Variants in TMEM229B observed in about 807,000 individuals in gnomAD.
TMEM229B encodes chromosome 14 open reading frame 83.
TMEM229B carries 6 observed loss-of-function variants against 13.7 expected under a neutral mutation model. The ratio of observed to expected loss-of-function variants is 0.44; its 90% CI spans 0.24 to 0.86. The LOEUF (loss-of-function observed/expected upper bound fraction) is 0.86, where lower values mean the gene tolerates loss of function less well. Among genes scored for constraint, TMEM229B ranks in the 40% least tolerant of loss-of-function variants. TMEM229B has a pLI of 0.23. For synonymous variants in TMEM229B, 107 were observed against 102.1 expected (o/e 1.05, Z -0.29); for missense variants, 170 against 236.0 (o/e 0.72, Z 1.83).
intron 2 of TMEM229B, among the ~76,000 whole-genome samples, chr14:67,481,111 C>T (rs1233027530): frequency 6.6e-6 from 1 of 151,846 alleles, no homozygotes. Flanking sequence ...GGCAACATAG[C>T]GAGACCACCA....
Position 67,474,058 on chromosome 14 carries a change from C to T in TMEM229B, c.-18-117G>A, listed in dbSNP as rs868226517. 28 of 1,178,040 alleles carry T rather than the reference C, an allele frequency of 2.4e-5. No homozygotes were observed. In the African/African-American group the frequency reaches 3.7e-4, roughly 16 times the overall value. The allele number at this position is 1,178,040 out of a possible 1,614,324, so 73.0% of individuals were successfully genotyped here. A position where few individuals can be genotyped will look rare whatever the true frequency, so the allele number is the denominator to read the frequency against. On this transcript the variant is annotated intron_variant, in intron 2 of 2. Transcript: ENST00000554480. ...CTTGAGGTCAGGAGTTCCAAACCAGCCTGGCCATCATGGTGAAACCCCGTC... is the reference window on the plus strand; with the variant it reads ...CTTGAGGTCAGGAGTTCCAAACCAGTCTGGCCATCATGGTGAAACCCCGTC...
At chr14:67,505,093 G>T (rs2032769777) in intron 1 of TMEM229B, among the ~76,000 whole-genome samples, 1 of 152,074 alleles carries the variant, frequency 6.6e-6, no homozygotes, top group African/African-American at 2.4e-5. Context: ...GAACACCAAG[G>T]TGCACCAAGA....
chr14:67,528,635 T>C (rs916346727), intron 1 of TMEM229B, among the ~76,000 whole-genome samples: 2 of 152,152 alleles, frequency 1.3e-5, no homozygotes, highest in African/African-American at 4.8e-5. Context: ...AGCTCCCAAC[T>C]CAGGTGCTCT....
chr14:67,513,425 T>G (rs2033093074), intron 1 of TMEM229B, among the ~76,000 whole-genome samples: 1 of 152,196 alleles, frequency 6.6e-6, no homozygotes, highest in Non-Finnish European at 1.5e-5. Context: ...GGACTCAGTT[T>G]TCTCCTGCTA....
intron 1 of TMEM229B, among the ~76,000 whole-genome samples, chr14:67,520,941 T>A (rs2033282775): frequency 6.6e-6 from 1 of 152,256 alleles, no homozygotes; most frequent in South Asian, 2.1e-4. Context: ...AAGCAATGAA[T>A]GGGAGTTCCT....
At chr14:67,495,527 G>C (rs780608431) in intron 1 of TMEM229B, among the ~76,000 whole-genome samples, 20 of 151,646 alleles carry the variant, frequency 1.3e-4, no homozygotes, top group Non-Finnish European at 2.4e-4. Context: ...TTGTTGCCCA[G>C]GCTGGAGTGC....
Position 67,508,760 on chromosome 14 carries a change from A to AAAAAAAAAAAAAAAAAAC in TMEM229B, c.-192+6325_-192+6326insGTTTTTTTTTTTTTTTTT, listed in dbSNP as rs778889276. Among the ~76,000 whole-genome samples the AAAAAAAAAAAAAAAAAAC allele has an allele frequency of 1.3e-4, 20 of 149,652 alleles. No homozygotes were observed. The East Asian group carries it at 3.7e-3, about 28-fold the overall frequency. On this transcript the variant is annotated intron_variant, in intron 1 of 2. Transcript: ENST00000357461. ...CAGAGCAAAACCTTGTCTCAAAAAAAAAAAAAAAAAACAGAAGACAATTAA... is the reference window on the plus strand; with the variant it reads ...CAGAGCAAAACCTTGTCTCAAAAAAAAAAAAAAAAAAAAAAAACAAAAAAAAAAACAGAAGACAATTAA...
chr14:67,502,829 CAACT>C (rs2032665785), intron 1 of TMEM229B, among the ~76,000 whole-genome samples: 1 of 152,092 alleles, frequency 6.6e-6, no homozygotes, highest in Non-Finnish European at 1.5e-5. Context: ...GCCAACCAAC[CAACT>C]TTATTAAATA....
upstream of TMEM229B, chr14:67,515,459 C>T: frequency 1.2e-5 from 2 of 170,274 alleles, no homozygotes; most frequent in Non-Finnish European, 2.5e-5. Context: ...AGTACGGATG[C>T]GCTGCAAACT....
At chr14:67,516,089 C>A (rs552653462), upstream of TMEM229B, among the ~76,000 whole-genome samples, 4 of 152,252 alleles carry the variant, frequency 2.6e-5, no homozygotes, top group South Asian at 6.2e-4. Flanking sequence ...CAATACCGAA[C>A]GTAGGAAATC....
rs1163570957 is a variant in TMEM229B, at chr14:67,470,882, AG to A, written c.*2537del. 2.0e-5 allele frequency: 3 copies of A among 152,468 alleles called. No individual in the cohort carries two copies. The East Asian group carries it at 5.8e-4, about 29-fold the overall frequency. The allele number at this position is 152,468 out of a possible 1,614,324, so 9.4% of individuals were successfully genotyped here. ...GAACAGCCAGCAAACACTCCCCACC[AG>A]CACCCTTAATGCTTGGCAGGGCTGG... is the stretch of plus-strand genomic sequence containing the variant. On this transcript the variant is annotated 3_prime_UTR_variant, in exon 3 of 3. Coordinates refer to ENST00000554480, the MANE Select transcript of TMEM229B (RefSeq NM_001348543.2).
At chr14:67,522,516 G>T (rs2033307076) in intron 1 of TMEM229B, among the ~76,000 whole-genome samples, 1 of 152,160 alleles carries the variant, frequency 6.6e-6, no homozygotes, top group African/African-American at 2.4e-5. Flanking sequence ...TGCCTGGGGG[G>T]ACACTGTGTG....
chr14:67,490,552 G>C (rs540446848), upstream of TMEM229B, among the ~76,000 whole-genome samples: 1 of 152,158 alleles, frequency 6.6e-6, no homozygotes, highest in Non-Finnish European at 1.5e-5. Flanking sequence ...ATGCACATAG[G>C]ATTCACTTCC....
At chr14:67,497,599 T>C (rs1010655906) in intron 1 of TMEM229B, among the ~76,000 whole-genome samples, 1 of 152,204 alleles carries the variant, frequency 6.6e-6, no homozygotes, top group African/African-American at 2.4e-5. Flanking sequence ...TAATTATCTA[T>C]ATCAAGATCC....
At position 67,472,293 on chromosome 14, in the gene TMEM229B, T is replaced by C. The variant is rs1313558115; in HGVS notation, c.*1127A>G. ...TTCTCCATCAGTCTCCAATGCTGGA[T>C]ACCTGGCTTCTCCATCCCATAGAAA... is the stretch of plus-strand genomic sequence containing the variant. On this transcript the variant is annotated 3_prime_UTR_variant, in exon 3 of 3. Transcript: ENST00000554480. 1 of 152,334 alleles carries C rather than the reference T, an allele frequency of 6.6e-6. No homozygotes were observed. The highest frequency in any genetic ancestry group is 1.5e-5 in the Non-Finnish European group (1 of 68,104). 9.4% of individuals were successfully genotyped at this position (152,334 alleles called of 1,614,324 possible).
intron 1 of TMEM229B, among the ~76,000 whole-genome samples, chr14:67,496,920 C>T (rs2032413549): frequency 6.6e-6 from 1 of 151,990 alleles, no homozygotes; most frequent in Non-Finnish European, 1.5e-5. Flanking sequence ...GCCTCAGCGT[C>T]CTGAGTAGCT....
chr14:67,483,200 G>A lies in TMEM229B; in HGVS notation c.-19+3800C>T, dbSNP rs545398653. 5.3e-5 allele frequency among the ~76,000 whole-genome samples: 8 copies of A among 152,160 alleles called. No individual in the cohort carries two copies. In the East Asian group the frequency reaches 7.7e-4, roughly 15 times the overall value. ...TAATTTTTGTATTTTTAGTAAAGAC[G>A]AGGTTTCACCATGTTGGCCAGGCTG... On this transcript the variant is annotated intron_variant, in intron 2 of 2. Transcript: ENST00000554480.
At chr14:67,482,492 TC>T (rs1470818325) in intron 2 of TMEM229B, among the ~76,000 whole-genome samples, 5 of 152,112 alleles carry the variant, frequency 3.3e-5, no homozygotes, top group Admixed American at 3.3e-4. Context: ...CCGCTTTCAC[TC>T]CACTCACTTC....
Position 67,473,292 on chromosome 14 carries a change from T to A in TMEM229B, c.*128A>T. On this transcript the variant is annotated 3_prime_UTR_variant, in exon 3 of 3. Coordinates refer to ENST00000554480, the MANE Select transcript of TMEM229B (RefSeq NM_001348543.2). This position sits in a 1 kb window ranked among gnomAD's most constrained non-coding sequence, Gnocchi z 6.5. ...CCCCCGCGGACGTTAGGGGGCTCTGTGTGCCCTATAGGGCTGAGGCTTGGC... is the reference window on the plus strand; with the variant it reads ...CCCCCGCGGACGTTAGGGGGCTCTGAGTGCCCTATAGGGCTGAGGCTTGGC... The A allele has an allele frequency of 7.6e-7, 1 of 1,317,474 alleles. No individual in the cohort carries two copies. The highest frequency in any genetic ancestry group is 1.4e-5 in the South Asian group (1 of 70,586). The allele number at this position is 1,317,474 out of a possible 1,614,324, so 81.6% of individuals were successfully genotyped here.
Sources: allele counts gnomAD v4.1 joint callset (sites outside exome capture counted in the v4.1 genomes callset), GRCh38; gene constraint gnomAD v4.1.1; non-coding constraint Gnocchi (gnomAD v3.1); transcripts MANE v1.5; gene names NCBI Gene and HGNC (gene_info 2026-07-23, HGNC 2026-07-21).